The following KIAA1217 variants were observed in gnomAD, a reference collection of about 807,000 sequenced individuals.
The protein encoded by KIAA1217 is sickle tail protein homolog.
A neutral mutation model predicts 163.9 loss-of-function variants in KIAA1217; 88 were observed. That is an observed-to-expected ratio of 0.54 (90% confidence interval 0.45 to 0.64). The LOEUF is 0.64. KIAA1217 is among the 30% of genes least tolerant of loss of function. The pLI is 0.00. For missense variants in KIAA1217, 2,372 were observed against 2,475.0 expected (o/e 0.96, Z 0.88); for synonymous variants, 903 against 923.1 (o/e 0.98, Z 0.39).
At chr10:24,084,277 ATGT>A (rs2061625386) in intron 2 of KIAA1217, among the ~76,000 whole-genome samples, 2 of 152,126 alleles carry the variant, frequency 1.3e-5, no homozygotes, top group African/African-American at 4.8e-5. Flanking sequence ...TTGGTTCACG[ATGT>A]TTCACCTATT....
At chr10:23,900,459 T>C (rs1445476885) in intron 1 of KIAA1217, among the ~76,000 whole-genome samples, 1 of 152,234 alleles carries the variant, frequency 6.6e-6, no homozygotes, top group African/African-American at 2.4e-5. Flanking sequence ...AGATATGATA[T>C]ATGAGACAGT....
intron 2 of KIAA1217, among the ~76,000 whole-genome samples, chr10:24,358,301 C>G (rs2049393828): frequency 1.3e-5 from 2 of 152,114 alleles, no homozygotes; most frequent in Admixed American, 1.3e-4. Context: ...TGTCCATGGG[C>G]TGCACTTGGT....
intron 1 of KIAA1217, among the ~76,000 whole-genome samples, chr10:23,877,883 G>A (rs529476148): frequency 6.6e-6 from 1 of 151,942 alleles, no homozygotes; most frequent in East Asian, 1.9e-4. Flanking sequence ...TGGACACAGC[G>A]AAAATGTTAA....
chr10:24,417,156 C>T (rs2058319512), intron 3 of KIAA1217, among the ~76,000 whole-genome samples: 1 of 151,886 alleles, frequency 6.6e-6, no homozygotes, highest in South Asian at 2.1e-4. Flanking sequence ...ATATGAATTT[C>T]CTCAAACTGC....
At chr10:24,280,265 A>T (rs560179452) in intron 2 of KIAA1217, among the ~76,000 whole-genome samples, 1 of 152,308 alleles carries the variant, frequency 6.6e-6, no homozygotes, top group South Asian at 2.1e-4. Flanking sequence ...CAGATTTGGC[A>T]AGGAATAGGG....
intron 5 of KIAA1217, among the ~76,000 whole-genome samples, chr10:24,441,017 C>T (rs2060456342): frequency 6.6e-6 from 1 of 152,218 alleles, no homozygotes; most frequent in Non-Finnish European, 1.5e-5. Context: ...CTTTGTTGAG[C>T]CCTGCCTCTG....
chr10:23,859,848 C>G (rs1379956813), intron 1 of KIAA1217, among the ~76,000 whole-genome samples: 2 of 151,490 alleles, frequency 1.3e-5, no homozygotes, highest in Non-Finnish European at 2.9e-5. Flanking sequence ...GCTGTGATCC[C>G]TCTTTTTTTT....
At chr10:24,048,795 G>A (rs367923707) in intron 2 of KIAA1217, among the ~76,000 whole-genome samples, 34 of 151,742 alleles carry the variant, frequency 2.2e-4, no homozygotes, top group East Asian at 1.2e-3. Context: ...CACTTTGGGC[G>A]GCCGAGGCGG....
At chr10:24,140,373 A>AG (rs1396587450) in intron 2 of KIAA1217, among the ~76,000 whole-genome samples, 3 of 152,016 alleles carry the variant, frequency 2.0e-5, no homozygotes, top group Non-Finnish European at 4.4e-5. Flanking sequence ...AAAAAAAAAA[A>AG]AAAGAAATCA....
intron 2 of KIAA1217, among the ~76,000 whole-genome samples, chr10:24,167,284 CGT>C (rs35255558): frequency 0.094 from 13,937 of 148,146 alleles, 1,537 homozygotes; most frequent in African/African-American, 0.27. Context: ...TGTGTATGTG[CGT>C]GTGTGTGTGT....
chr10:24,287,080 T>C (rs540633017), intron 2 of KIAA1217, among the ~76,000 whole-genome samples: 10 of 152,286 alleles, frequency 6.6e-5, no homozygotes, highest in Middle Eastern at 6.8e-3. Flanking sequence ...GATGGAGTCT[T>C]GCTCTGTCGC....
intron 1 of KIAA1217, among the ~76,000 whole-genome samples, chr10:23,845,260 G>C (rs1003586991): frequency 1.3e-5 from 2 of 152,170 alleles, no homozygotes; most frequent in Admixed American, 6.5e-5. Context: ...CCAGTAATGA[G>C]ATTGCTGGGT....
At chr10:24,027,267 T>A (rs1847994561) in intron 2 of KIAA1217, among the ~76,000 whole-genome samples, 1 of 152,078 alleles carries the variant, frequency 6.6e-6, no homozygotes, top group South Asian at 2.1e-4. Flanking sequence ...ACCTGGAAAC[T>A]CTTCAGATGG....
intron 2 of KIAA1217, among the ~76,000 whole-genome samples, chr10:24,068,123 C>T (rs1187406481): frequency 6.6e-6 from 1 of 152,232 alleles, no homozygotes; most frequent in African/African-American, 2.4e-5. Context: ...TGCTTCCGCT[C>T]ATGCATGGTG....
chr10:24,449,980 A>T (rs1349305602), intron 5 of KIAA1217, among the ~76,000 whole-genome samples: 1 of 152,144 alleles, frequency 6.6e-6, no homozygotes, highest in Non-Finnish European at 1.5e-5. Context: ...CTTAAATTAA[A>T]CTGGGCTGGT....
At chr10:24,432,633 T>C (rs7916629) in intron 3 of KIAA1217, among the ~76,000 whole-genome samples, 42,566 of 151,512 alleles carry the variant, frequency 0.28, 6,122 homozygotes, top group East Asian at 0.34. Context: ...TTTTTTTTTT[T>C]CCAAAGAGAT....
chr10:23,751,326 C>G (rs1234682398), intron 1 of KIAA1217, among the ~76,000 whole-genome samples: 3 of 152,164 alleles, frequency 2.0e-5, no homozygotes, highest in South Asian at 2.1e-4. Flanking sequence ...CCGTGCCTGG[C>G]GAGAATTTTC....
intron 2 of KIAA1217, among the ~76,000 whole-genome samples, chr10:24,376,854 G>A (rs2134674027): frequency 6.6e-6 from 1 of 152,238 alleles, no homozygotes; most frequent in Middle Eastern, 3.4e-3. Context: ...CTTTCATTTG[G>A]TAGAGTTTCA....
At chr10:24,194,460 T>G (rs1395489605) in intron 2 of KIAA1217, among the ~76,000 whole-genome samples, 2 of 150,292 alleles carry the variant, frequency 1.3e-5, no homozygotes, top group African/African-American at 4.9e-5. Context: ...TCACTGGGAC[T>G]ACGGACACTT....
Sources: gnomAD v4.1 joint callset for allele counts (sites outside exome capture counted in the v4.1 genomes callset) on GRCh38, gnomAD v4.1.1 for gene constraint, MANE v1.5 for transcripts, NCBI Gene and HGNC (gene_info 2026-07-23, HGNC 2026-07-21) for gene names.